Variants in ZNF622 observed in about 807,000 individuals in gnomAD.
ZNF622 encodes the protein zinc finger protein 622.
Under a neutral mutation model 49.7 loss-of-function variants are expected in ZNF622, and 34 were observed. The ratio of observed to expected loss-of-function variants is 0.68; its 90% confidence interval spans 0.52 to 0.91. The LOEUF (loss-of-function observed/expected upper bound fraction) is 0.91, where lower values mean the gene tolerates loss of function less well. Ranked by LOEUF, ZNF622 falls within the 40% of genes least tolerant of loss-of-function variation. The pLI, the probability that ZNF622 is intolerant of heterozygous loss-of-function variation, is 0.00. For synonymous variants in ZNF622, 209 were observed against 228.7 expected, an observed-to-expected ratio of 0.91 and a Z score of 0.78; for missense variants, 569 against 616.4, an observed-to-expected ratio of 0.92 and a Z score of 0.81.
intron 3 of ZNF622, among the ~76,000 whole-genome samples, chr5:16,461,010 A>G (rs1303345950): frequency 6.6e-6 from 1 of 152,222 alleles, no homozygotes; most frequent in Non-Finnish European, 1.5e-5. Context: ...GATATAAGGA[A>G]AAATAAAACA....
chr5:16,454,705 G>A (rs1737997581), intron 4 of ZNF622, among the ~76,000 whole-genome samples: 2 of 152,162 alleles, frequency 1.3e-5, no homozygotes. Context: ...GTTTTGGTTT[G>A]TTTTACTGCC....
chr5:16,454,179 A>C (rs1009419907), intron 4 of ZNF622, among the ~76,000 whole-genome samples: 1 of 152,160 alleles, frequency 6.6e-6, no homozygotes, highest in Non-Finnish European at 1.5e-5. Flanking sequence ...GACTCTGAAT[A>C]TTTCAAATAA....
intron 4 of ZNF622, among the ~76,000 whole-genome samples, chr5:16,454,429 G>A (rs979638060): frequency 7.1e-5 from 10 of 141,258 alleles, no homozygotes; most frequent in African/African-American, 1.0e-4. Context: ...CGGAGCTTGC[G>A]GTGAGCCAAG....
At chr5:16,454,826 G>A (rs894803578) in intron 4 of ZNF622, among the ~76,000 whole-genome samples, 8 of 152,150 alleles carry the variant, frequency 5.3e-5, no homozygotes, top group African/African-American at 9.7e-5. Flanking sequence ...AAGCCTAAAC[G>A]ATCACCTCTG....
intron 4 of ZNF622, among the ~76,000 whole-genome samples, chr5:16,454,725 C>G (rs79493588): frequency 0.015 from 2,359 of 152,220 alleles, 57 homozygotes; most frequent in African/African-American, 0.053. Context: ...CACACAGCCA[C>G]GCTCAACTGT....
chr5:16,455,081 A>G lies in ZNF622; in HGVS notation c.1163-1925T>C, dbSNP rs183359539. 2.5e-3 allele frequency among the ~76,000 whole-genome samples: 377 copies of G among 152,330 alleles called. 1 individual carries two copies. The highest frequency in any genetic ancestry group is 0.012 in the South Asian group (58 of 4,824). On this transcript the variant is annotated intron_variant, in intron 4 of 5. Transcript: ENST00000308683. ...TCAAATATCTTCCCAGACAGACATA[A>G]CCATGCAGATATTTAACAACAGCAT...
Position 16,453,602 on chromosome 5 carries a change from T to TATAC in ZNF622, c.1163-447_1163-446insGTAT, listed in dbSNP as rs61226771. 1.2e-4 allele frequency among the ~76,000 whole-genome samples: 16 copies of TATAC among 128,670 alleles called. 1 individual carries two copies. The highest frequency in any genetic ancestry group is 2.6e-4 in the Non-Finnish European group (16 of 60,940). The allele number at this position is 128,670 out of a possible 152,430, so 84.4% of individuals were successfully genotyped here. On this transcript the variant is annotated intron_variant, in intron 4 of 5. Coordinates refer to ENST00000308683, the MANE Select transcript of ZNF622 (RefSeq NM_033414.3). The stretch of plus-strand genomic sequence containing the variant: ...ATATATATATATATATATATATATA[T>TATAC]GAAGAAGATTAAGCACAGAGAGCAG...
chr5:16,458,502 G>A lies in ZNF622; in HGVS notation c.1162+15C>T. 6.3e-7 allele frequency: 1 copy of A among 1,577,412 alleles called. No individual in the cohort carries two copies. Among genetic ancestry groups the A allele is most frequent in the Non-Finnish European group, 8.7e-7 (1 of 1,148,870 alleles). ...CACTGGCATTAAGCTATTTATTTTT[G>A]ACAAATGCACTTACCAGAAGGCAGA... On this transcript the variant is annotated intron_variant, in intron 4 of 5. Coordinates refer to ENST00000308683, the MANE Select transcript of ZNF622 (RefSeq NM_033414.3).
chr5:16,463,048 T>C lies in ZNF622; in HGVS notation c.1049+60A>G. The C allele has an allele frequency of 1.3e-6, 2 of 1,552,238 alleles. No individual in the cohort carries two copies. The highest frequency in any genetic ancestry group is 1.2e-5 in the South Asian group (1 of 80,542). ...CAAACATATCCAGCACTGGCACACCTAATAATCACTTCAAAGCAAATATGA... is the reference window on the plus strand; with the variant it reads ...CAAACATATCCAGCACTGGCACACCCAATAATCACTTCAAAGCAAATATGA... On this transcript the variant is annotated intron_variant, in intron 3 of 5. Coordinates refer to ENST00000308683, the MANE Select transcript of ZNF622 (RefSeq NM_033414.3). This position sits in a 1 kb window ranked among gnomAD's most constrained non-coding sequence, Gnocchi z 4.2.
chr5:16,464,231 A>C lies in ZNF622; in HGVS notation c.626-489T>G, dbSNP rs148618776. Among the ~76,000 whole-genome samples the C allele has an allele frequency of 3.4e-3, 522 of 152,302 alleles. 3 individuals are homozygous for C. Among genetic ancestry groups the C allele is most frequent in the African/African-American group, 0.011 (467 of 41,562 alleles). ...AATGGCATTAAGAGGTGGGGCCTTT[A>C]GTGGGTGATTAGGTTAGGCAAGCAC... On this transcript the variant is annotated intron_variant, in intron 1 of 5. Transcript: ENST00000308683.
intron 1 of ZNF622, 127 bp downstream of exon 1, chr5:16,464,914 A>C: frequency 5.3e-4 from 519 of 979,168 alleles, no homozygotes; most frequent in Non-Finnish European, 6.8e-4. Flanking sequence ...CGTCTAAACC[A>C]CCTTCCCTCA....
At position 16,451,688 on chromosome 5, in the gene ZNF622, T is replaced by C. The variant is rs767017122; in HGVS notation, c.1403A>G (p.Gln468Arg). ...KTGMKNNATK[Q>R]MHFRVQVRF is the part of the protein sequence containing the mutation. Reference sequence around the variant, plus strand: ...TCTCACTTGGACCCGAAAGTGCATCTGCTTGGTGGCATTGTTCTTCATTCC... The same window carrying C: ...TCTCACTTGGACCCGAAAGTGCATCCGCTTGGTGGCATTGTTCTTCATTCC... The change falls in exon 6 of 6, where the codon CAG becomes CGG. Residue 468 changes from glutamine to arginine, a missense_variant. Transcript: ENST00000308683. 1 of 1,614,140 alleles carries C rather than the reference T, an allele frequency of 6.2e-7. No homozygotes were observed.
intron 1 of ZNF622, among the ~76,000 whole-genome samples, chr5:16,464,588 G>A (rs945928172): frequency 2.6e-5 from 4 of 152,188 alleles, no homozygotes; most frequent in Non-Finnish European, 4.4e-5. Context: ...AGAGGTGAGG[G>A]TGCTGGCTCC....
chr5:16,465,577 T>G lies in ZNF622; in HGVS notation c.89A>C (p.Tyr30Ser), dbSNP rs769820208. Residue 30 changes from tyrosine (Y) to serine (S), a missense_variant, in exon 1 of 6, where the codon TAC (tyrosine) becomes TCC (serine). Physicochemically the swap from Tyr to Ser is moderately radical, Grantham distance 144. Coordinates refer to ENST00000308683, the MANE Select transcript of ZNF622 (RefSeq NM_033414.3). The surrounding 1 kb of genome is among the most constrained non-coding windows in gnomAD (Gnocchi z 6.2). ...RAHYKTDWHR[Y>S]NLRRKVASMA... Reference sequence around the variant, plus strand: ...GCTGGCCACCTTCCGCCGCAGGTTGTAGCGGTGCCAGTCCGTCTTATAGTG... The same window carrying G: ...GCTGGCCACCTTCCGCCGCAGGTTGGAGCGGTGCCAGTCCGTCTTATAGTG... The G allele has an allele frequency of 2.5e-6, 4 of 1,613,624 alleles. No individual in the cohort carries two copies. Among genetic ancestry groups the G allele is most frequent in the Non-Finnish European group, 3.4e-6 (4 of 1,179,808 alleles).
chr5:16,456,304 C>A (rs138063944), intron 4 of ZNF622, among the ~76,000 whole-genome samples: 1 of 152,254 alleles, frequency 6.6e-6, no homozygotes, highest in Non-Finnish European at 1.5e-5. Flanking sequence ...TTTCTGACAT[C>A]CAATTGAATG....
chr5:16,461,112 A>C (rs535212033), intron 3 of ZNF622, among the ~76,000 whole-genome samples: 14 of 152,386 alleles, frequency 9.2e-5, no homozygotes, highest in African/African-American at 3.4e-4. Context: ...GCCTGCAAGA[A>C]GTGAGGGACA....
Position 16,451,640 on chromosome 5 carries a change from T to C in ZNF622, c.*17A>G, listed in dbSNP as rs1737934135. 1.9e-6 allele frequency: 3 copies of C among 1,611,316 alleles called. No individual in the cohort carries two copies. The African/African-American group carries it at 4.0e-5, about 21-fold the overall frequency. On this transcript the variant is annotated 3_prime_UTR_variant, in exon 6 of 6. Coordinates refer to ENST00000308683, the MANE Select transcript of ZNF622 (RefSeq NM_033414.3). ...GGAAACTTGGGCAGGAGATGATTGCTCAATCCCAGCAGACTCTCAGAATCT... is the reference window on the plus strand; with the variant it reads ...GGAAACTTGGGCAGGAGATGATTGCCCAATCCCAGCAGACTCTCAGAATCT...
At chr5:16,453,298 C>A in intron 4 of ZNF622, 142 bp from the exon 5 acceptor site, 1 of 798,744 alleles carries the variant, frequency 1.3e-6, no homozygotes. Context: ...GTTGTTCTAT[C>A]TACTAAAGAC....
At chr5:16,457,928 T>C (rs61203575) in intron 4 of ZNF622, among the ~76,000 whole-genome samples, 3,842 of 152,284 alleles carry the variant, frequency 0.025, 163 homozygotes, top group African/African-American at 0.088. Context: ...CATCTCTACC[T>C]TTCCATCCCC....
Sources: allele counts gnomAD v4.1 joint callset (sites outside exome capture counted in the v4.1 genomes callset), GRCh38; gene constraint gnomAD v4.1.1; non-coding constraint Gnocchi (gnomAD v3.1); transcripts MANE v1.5; gene names NCBI Gene and HGNC (gene_info 2026-07-23, HGNC 2026-07-21).